Variants in MYBPC1 observed in about 807,000 individuals in gnomAD.
MYBPC1 encodes the protein myosin-binding protein C, slow-type.
Under a neutral mutation model 147.1 loss-of-function variants are expected in MYBPC1, and 52 were observed. The ratio of observed to expected loss-of-function variants is 0.35; its 90% CI spans 0.28 to 0.45. The LOEUF is 0.45. MYBPC1 is among the 20% of genes least tolerant of loss of function. The probability of loss-of-function intolerance (pLI) is 1.00; values close to 1 mark genes in which losing one functional copy is unlikely to be tolerated. For missense variants in MYBPC1, 1,228 were observed against 1,440.3 expected (o/e 0.85, Z 2.39); for synonymous variants, 477 against 475.9 (o/e 1.00, Z -0.03).
chr12:101,595,094 G>C lies in MYBPC1; in HGVS notation c.24G>C (p.Glu8Asp), dbSNP rs1876662234. 6.2e-7 allele frequency: 1 copy of C among 1,611,874 alleles called. No individual in the cohort carries two copies. The highest frequency in any genetic ancestry group is 1.3e-5 in the African/African-American group (1 of 74,814). Residue 8 changes from glutamate to aspartate, a missense_variant and splice_region_variant, in exon 1 of 32, where the codon GAG becomes GAC. Glu to Asp is a conservative substitution (Grantham distance 45). Transcript: ENST00000361466. Reference sequence around the variant, plus strand: ...CCATGCCAGAACCCACTAAGAAAGAGGGTAAGACTTATCTAGAAATCTTTT... The same window carrying C: ...CCATGCCAGAACCCACTAAGAAAGACGGTAAGACTTATCTAGAAATCTTTT... Reference protein sequence around the residue: MPEPTKKEENEVPAPAPP... With the variant: MPEPTKKDENEVPAPAPP...
At chr12:101,667,186 C>G (rs887790723) in intron 22 of MYBPC1, among the ~76,000 whole-genome samples, 11 of 152,300 alleles carry the variant, frequency 7.2e-5, no homozygotes, top group Non-Finnish European at 1.0e-4. Context: ...ACTGTTTTCT[C>G]TTTGTGAAAT....
intron 22 of MYBPC1, among the ~76,000 whole-genome samples, chr12:101,665,987 C>T (rs1024631916): frequency 6.6e-6 from 1 of 152,132 alleles, no homozygotes; most frequent in Non-Finnish European, 1.5e-5. Context: ...AAGAGAGAGG[C>T]AAAAGTTCCA....
intron 18 of MYBPC1, among the ~76,000 whole-genome samples, chr12:101,653,780 C>T (rs1421678025): frequency 1.3e-5 from 2 of 152,020 alleles, no homozygotes; most frequent in Non-Finnish European, 2.9e-5. Context: ...GGAAAGCCAG[C>T]ATGGCTGGGG....
chr12:101,655,501 G>C (rs1277560299), intron 18 of MYBPC1, among the ~76,000 whole-genome samples: 1 of 152,180 alleles, frequency 6.6e-6, no homozygotes, highest in Non-Finnish European at 1.5e-5. Context: ...CATGTAATCA[G>C]CTTAGAAGTT....
At chr12:101,604,643 T>G (rs1881429011) in intron 1 of MYBPC1, among the ~76,000 whole-genome samples, 1 of 152,212 alleles carries the variant, frequency 6.6e-6, no homozygotes, top group Admixed American at 6.5e-5. Flanking sequence ...ATTATAGATA[T>G]CAGTTATTAG....
chr12:101,611,479 A>C (rs1426839120), intron 1 of MYBPC1, among the ~76,000 whole-genome samples: 1 of 152,226 alleles, frequency 6.6e-6, no homozygotes, highest in Admixed American at 6.5e-5. Flanking sequence ...GTTACCCTTA[A>C]AAAATGGGAA....
chr12:101,622,840 A>G (rs927686450), intron 3 of MYBPC1, among the ~76,000 whole-genome samples: 1 of 152,218 alleles, frequency 6.6e-6, no homozygotes, highest in Non-Finnish European at 1.5e-5. Context: ...TTTATGTGCA[A>G]TGAATCCAAG....
At chr12:101,626,088 C>CAAAAAAAAAAAAAAAAA (rs769008600) in intron 3 of MYBPC1, among the ~76,000 whole-genome samples, 2 of 55,080 alleles carry the variant, frequency 3.6e-5, no homozygotes, top group East Asian at 9.0e-4. Flanking sequence ...AACTCTGTCT[C>CAAAAAAAAAAAAAAAAA]AAAAAAAAAA....
chr12:101,615,673 GCC>G (rs567543367), intron 2 of MYBPC1, among the ~76,000 whole-genome samples: 1,326 of 35,488 alleles, frequency 0.037, 38 homozygotes, highest in African/African-American at 0.099. Flanking sequence ...CCCCCCCCCC[GCC>G]CCCCCACACC....
chr12:101,632,118 C>T lies in MYBPC1; in HGVS notation c.536C>T (p.Ser179Leu). ...VTYKDKFDSC[S>L]FDLEVHESTG... ...TATAAGGATAAGTTTGACAGCTGTT[C>T]ATTTGATCTTGAAGTGCACGGTAAG... The change falls in exon 8 of 32, where the codon TCA (serine) becomes TTA (leucine). Residue 179 changes from serine (S) to leucine (L), a missense_variant. Transcript: ENST00000361466. 6.2e-7 allele frequency: 1 copy of T among 1,612,150 alleles called. No homozygotes were observed. Among genetic ancestry groups the T allele is most frequent in the Non-Finnish European group, 8.5e-7 (1 of 1,178,212 alleles).
At position 101,674,862 on chromosome 12, in the gene MYBPC1, C is replaced by CAAAAAAAAAAAAAAAAAAAAAAAAAA. The variant is rs62824364; in HGVS notation, c.2810-408_2810-407insAAAAAAAAAAAAAAAAAAAAAAAAAA. Among the ~76,000 whole-genome samples the CAAAAAAAAAAAAAAAAAAAAAAAAAA allele has an allele frequency of 2.3e-4, 14 of 59,840 alleles. 1 individual carries two copies. The highest frequency in any genetic ancestry group is 1.2e-3 in the African/African-American group (14 of 12,140). 39.3% of individuals were successfully genotyped at this position (59,840 alleles called of 152,430 possible). A position where few individuals can be genotyped will look rare whatever the true frequency, so the allele number is the denominator to read the frequency against. ...GGGTGACAGACCATGACTCTGTCTC[C>CAAAAAAAAAAAAAAAAAAAAAAAAAA]AAAAAAAAAAAAAAAAAAAAAAGGA... On this transcript the variant is annotated intron_variant, in intron 25 of 31. Transcript: ENST00000361466.
At position 101,626,928 on chromosome 12, in the gene MYBPC1, C is replaced by A; in HGVS notation, c.142+18C>A. On this transcript the variant is annotated intron_variant, in intron 4 of 31. Coordinates refer to ENST00000361466, the MANE Select transcript of MYBPC1 (RefSeq NM_002465.4). Reference sequence around the variant, plus strand: ...GCCTCCAGGTTGGGATAATTTCTACCCTTTTCCCTGCTTTTAAATATATTA... The same window carrying A: ...GCCTCCAGGTTGGGATAATTTCTACACTTTTCCCTGCTTTTAAATATATTA... The A allele has an allele frequency of 6.3e-7, 1 of 1,598,640 alleles. No homozygotes were observed. Among genetic ancestry groups the A allele is most frequent in the East Asian group, 2.2e-5 (1 of 44,794 alleles).
chr12:101,653,136 A>C lies in MYBPC1; in HGVS notation c.1655A>C (p.Asp552Ala). ...HVIDPPKIIL[D>A]GLDADNTVTV... ...CTAGATCCTCCTAAGATCATCCTGG[A>C]TGGTCTTGATGCTGACAACACAGTG... Residue 552 changes from aspartate (D) to alanine (A), a missense_variant, in exon 18 of 32, where the codon GAT (aspartate) becomes GCT (alanine). Transcript: ENST00000361466. 6.2e-7 allele frequency: 1 copy of C among 1,614,058 alleles called. No individual in the cohort carries two copies. Among genetic ancestry groups the C allele is most frequent in the South Asian group, 1.1e-5 (1 of 91,084 alleles).
At chr12:101,645,787 T>C (rs1565948606) in intron 12 of MYBPC1, among the ~76,000 whole-genome samples, 3 of 152,200 alleles carry the variant, frequency 2.0e-5, no homozygotes, top group African/African-American at 4.8e-5. Context: ...ATAATACAGA[T>C]CACAGATAAT....
intron 19 of MYBPC1, 23 bp downstream of exon 19, chr12:101,659,854 C>A: frequency 1.9e-6 from 3 of 1,613,546 alleles, no homozygotes; most frequent in Non-Finnish European, 2.5e-6. Context: ...GGTAAACGCA[C>A]TTCTAGAATC....
At chr12:101,611,967 C>T (rs754035076) in intron 1 of MYBPC1, among the ~76,000 whole-genome samples, 48 of 151,852 alleles carry the variant, frequency 3.2e-4, no homozygotes, top group Non-Finnish European at 6.0e-4. Flanking sequence ...GTCCCAGCTA[C>T]TCGGGAGGCT....
At chr12:101,657,734 A>G (rs1218766225) in intron 18 of MYBPC1, among the ~76,000 whole-genome samples, 7 of 152,172 alleles carry the variant, frequency 4.6e-5, no homozygotes, top group Admixed American at 1.3e-4. Flanking sequence ...ACAGGCCCCA[A>G]TGGGTTTGTT....
In MYBPC1 at chr12:101,685,656, C is replaced by G; in HGVS notation, c.*94C>G. On this transcript the variant is annotated 3_prime_UTR_variant, in exon 32 of 32. Transcript: ENST00000361466. The stretch of plus-strand genomic sequence containing the variant: ...AATTGATTCGTATCTGCGAGACTTA[C>G]ACTCAAGCAATCCTGAGGAATACTG... 6.5e-7 allele frequency: 1 copy of G among 1,531,106 alleles called. No homozygotes were observed. Among genetic ancestry groups the G allele is most frequent in the Non-Finnish European group, 8.8e-7 (1 of 1,142,598 alleles). The allele number at this position is 1,531,106 out of a possible 1,614,324, so 94.8% of individuals were successfully genotyped here. A position where few individuals can be genotyped will look rare whatever the true frequency, so the allele number is the denominator to read the frequency against.
At chr12:101,665,976 C>A (rs1453014729) in intron 22 of MYBPC1, among the ~76,000 whole-genome samples, 1 of 152,152 alleles carries the variant, frequency 6.6e-6, no homozygotes, top group East Asian at 1.9e-4. Context: ...AGGGTTAGAA[C>A]AAGAGAGAGG....
Sources: allele counts gnomAD v4.1 joint callset (sites outside exome capture counted in the v4.1 genomes callset), GRCh38; gene constraint gnomAD v4.1.1; transcripts MANE v1.5; gene names NCBI Gene and HGNC (gene_info 2026-07-23, HGNC 2026-07-21).